The following HRH1 variants were observed in gnomAD, a reference collection of about 807,000 sequenced individuals.
HRH1 encodes the protein histamine receptor H1.
A neutral mutation model predicts 10.3 loss-of-function variants in HRH1; 6 were observed. That is an observed-to-expected ratio of 0.58 (90% CI 0.32 to 1.15). The LOEUF (loss-of-function observed/expected upper bound fraction) is 1.15, where lower values mean the gene tolerates loss of function less well. HRH1 is among the 50% of genes most tolerant of loss of function. HRH1 has a pLI of 0.05. For synonymous variants in HRH1, 242 were observed against 236.7 expected, an observed-to-expected ratio of 1.02 and a Z score of -0.21; for missense variants, 514 against 615.3, an observed-to-expected ratio of 0.84 and a Z score of 1.74.
At chr3:11,225,845 C>T (rs535839226) in intron 1 of HRH1, among the ~76,000 whole-genome samples, 15 of 152,338 alleles carry the variant, frequency 9.8e-5, no homozygotes, top group Middle Eastern at 3.4e-3. Flanking sequence ...CCACCGCACC[C>T]GACCACAACC....
intron 1 of HRH1, among the ~76,000 whole-genome samples, chr3:11,165,639 C>T (rs563836365): frequency 2.6e-5 from 4 of 152,302 alleles, no homozygotes; most frequent in African/African-American, 9.6e-5. Flanking sequence ...TGCCAAGAAT[C>T]GTTACGGTGA....
chr3:11,148,959 T>C (rs899979514), intron 1 of HRH1, among the ~76,000 whole-genome samples: 4 of 152,134 alleles, frequency 2.6e-5, no homozygotes, highest in Admixed American at 6.5e-5. Flanking sequence ...TGAGGGCAGA[T>C]GCTTGTCCTC....
At chr3:11,224,731 G>C (rs1938827599) in intron 1 of HRH1, among the ~76,000 whole-genome samples, 1 of 151,980 alleles carries the variant, frequency 6.6e-6, no homozygotes, top group African/African-American at 2.4e-5. Context: ...TTGGATGTTG[G>C]AGTCAGGCAG....
At position 11,250,208 on chromosome 3, in the gene HRH1, A is replaced by ATTT. The variant is rs71055857; in HGVS notation, c.-35-8773_-35-8771dup. Among the ~76,000 whole-genome samples the ATTT allele has an allele frequency of 3.7e-3, 397 of 106,856 alleles. 5 individuals are homozygous for ATTT. Among genetic ancestry groups the ATTT allele is most frequent in the African/African-American group, 7.2e-3 (192 of 26,808 alleles). The allele number at this position is 106,856 out of a possible 152,430, so 70.1% of individuals were successfully genotyped here. ...TAGGCGCCGCCACCACACCCGGCTA[A>ATTT]TTTTTTTTTTTTTTTTTTTTTTTTG... On this transcript the variant is annotated intron_variant, in intron 1 of 1. Coordinates refer to ENST00000431010, the MANE Select transcript of HRH1 (RefSeq NM_001098212.2).
intron 1 of HRH1, among the ~76,000 whole-genome samples, chr3:11,211,720 C>G (rs1938332473): frequency 2.0e-5 from 3 of 152,222 alleles, no homozygotes; most frequent in Admixed American, 1.3e-4. Flanking sequence ...GATTCTCCAC[C>G]ACTCTGATTT....
chr3:11,254,966 A>G (rs1034610742), intron 1 of HRH1, among the ~76,000 whole-genome samples: 4 of 152,218 alleles, frequency 2.6e-5, no homozygotes, highest in South Asian at 4.1e-4. Flanking sequence ...GCTAAGATTT[A>G]AAATTGAATA....
At chr3:11,246,636 G>A (rs1939497746) in intron 1 of HRH1, among the ~76,000 whole-genome samples, 1 of 152,188 alleles carries the variant, frequency 6.6e-6, no homozygotes, top group Non-Finnish European at 1.5e-5. Flanking sequence ...GACATTGTTA[G>A]ATTTCACCCC....
At chr3:11,168,734 C>A (rs1203767038) in intron 1 of HRH1, among the ~76,000 whole-genome samples, 1 of 152,206 alleles carries the variant, frequency 6.6e-6, no homozygotes, top group Non-Finnish European at 1.5e-5. Context: ...TGTGAGGAAC[C>A]CCAGGGCTGG....
In HRH1 at chr3:11,232,077, G is replaced by A. The variant is rs578220626; in HGVS notation, c.-35-26926G>A. 7.3e-5 allele frequency among the ~76,000 whole-genome samples: 11 copies of A among 150,538 alleles called. No homozygotes were observed. In the East Asian group the frequency reaches 1.6e-3, roughly 21 times the overall value. On this transcript the variant is annotated intron_variant, in intron 1 of 1. Coordinates refer to ENST00000431010, the MANE Select transcript of HRH1 (RefSeq NM_001098212.2). ...TGCAATCTTGGCTCACTGCAACACC[G>A]CCTCCCGGGTTCAAGCGATTCTGCC...
At chr3:11,220,710 A>T (rs532121464) in intron 1 of HRH1, among the ~76,000 whole-genome samples, 5 of 152,214 alleles carry the variant, frequency 3.3e-5, no homozygotes, top group Middle Eastern at 3.2e-3. Context: ...CTTAAAGAAC[A>T]GACAAGTTGA....
intron 1 of HRH1, among the ~76,000 whole-genome samples, chr3:11,225,081 A>C (rs1307949879): frequency 6.6e-6 from 1 of 152,166 alleles, no homozygotes; most frequent in East Asian, 1.9e-4. Context: ...GCCACAGGAA[A>C]GGGGGAGCAG....
chr3:11,237,747 C>G (rs1269676447), intron 1 of HRH1, among the ~76,000 whole-genome samples: 2 of 139,448 alleles, frequency 1.4e-5, no homozygotes, highest in Admixed American at 1.6e-4. Context: ...GTGATCTCAG[C>G]TCACTGCAAC....
At chr3:11,139,278 G>T (rs753161205) in intron 1 of HRH1, among the ~76,000 whole-genome samples, 1 of 148,056 alleles carries the variant, frequency 6.8e-6, no homozygotes, top group East Asian at 2.0e-4. Flanking sequence ...CGAGCCGCCC[G>T]CCTTTTTTTT....
intron 1 of HRH1, among the ~76,000 whole-genome samples, chr3:11,174,729 G>A (rs1937216889): frequency 6.6e-6 from 1 of 152,176 alleles, no homozygotes; most frequent in Non-Finnish European, 1.5e-5. Flanking sequence ...TGCTTTGAAG[G>A]CTGGGGGTGC....
intron 1 of HRH1, among the ~76,000 whole-genome samples, chr3:11,165,884 C>T (rs952004730): frequency 6.6e-6 from 1 of 152,220 alleles, no homozygotes; most frequent in Non-Finnish European, 1.5e-5. Context: ...GTTTTCTTGG[C>T]ATCACCTAAC....
chr3:11,172,387 T>G (rs1391848928), intron 1 of HRH1, among the ~76,000 whole-genome samples: 1 of 152,260 alleles, frequency 6.6e-6, no homozygotes, highest in Non-Finnish European at 1.5e-5. Context: ...AAGCAGGCAG[T>G]GGCTGCAGGA....
intron 1 of HRH1, chr3:11,234,406 C>T: frequency 6.2e-7 from 1 of 1,605,444 alleles, no homozygotes; most frequent in Non-Finnish European, 8.5e-7. Flanking sequence ...CCTGCATGGC[C>T]CGGAACCGGT....
chr3:11,211,831 G>A (rs201280483), intron 1 of HRH1, among the ~76,000 whole-genome samples: 1 of 152,354 alleles, frequency 6.6e-6, no homozygotes, highest in East Asian at 1.9e-4. Context: ...GATGCAGAAG[G>A]CTAGGGCTAC....
At chr3:11,197,611 A>G (rs1020781432) in intron 1 of HRH1, among the ~76,000 whole-genome samples, 1 of 152,238 alleles carries the variant, frequency 6.6e-6, no homozygotes, top group Non-Finnish European at 1.5e-5. Flanking sequence ...AAGTAGATAA[A>G]GTAATGCAAT....
Sources: gnomAD v4.1 joint callset for allele counts (sites outside exome capture counted in the v4.1 genomes callset) on GRCh38, gnomAD v4.1.1 for gene constraint, MANE v1.5 for transcripts, NCBI Gene and HGNC (gene_info 2026-07-23, HGNC 2026-07-21) for gene names.